Variants in NCAPH2 observed in about 807,000 individuals in gnomAD.
NCAPH2 encodes the protein non-SMC condensin II complex subunit H2.
NCAPH2 carries 56 observed loss-of-function variants against 88.6 expected under a neutral mutation model. The ratio of observed to expected loss-of-function variants is 0.63; its 90% CI spans 0.51 to 0.79. NCAPH2 has a LOEUF of 0.79. Among genes scored for constraint, NCAPH2 ranks in the 30% least tolerant of loss-of-function variants. The probability of loss-of-function intolerance (pLI) is 0.00; values close to 1 mark genes in which losing one functional copy is unlikely to be tolerated. For missense variants in NCAPH2, 794 were observed against 792.0 expected, an observed-to-expected ratio of 1.00 and a Z score of -0.03; for synonymous variants, 378 against 313.6, an observed-to-expected ratio of 1.21 and a Z score of -2.17.
In NCAPH2 at chr22:50,524,044, C is replaced by T; in HGVS notation, c.*669C>T. 1 of 1,613,482 alleles carries T rather than the reference C, an allele frequency of 6.2e-7. No homozygotes were observed. Among genetic ancestry groups the T allele is most frequent in the Non-Finnish European group, 8.5e-7 (1 of 1,180,028 alleles). On this transcript the variant is annotated 3_prime_UTR_variant, in exon 20 of 20. Transcript: ENST00000420993. ...AGTGAAGCCAAAGTACATCAGCACC[C>T]ACTGGCCCCGGAAGTCAGCCTTGCA...
chr22:50,523,015 A>G lies in NCAPH2; in HGVS notation c.1528-2A>G. ...CAGCCAACATGCCCCTCCCCTGTGC[A>G]GGAGCAGCATGTGCCCTTTGACATC... is the stretch of plus-strand genomic sequence containing the variant. On this transcript the variant is annotated splice_acceptor_variant, in intron 18 of 19. Transcript: ENST00000420993. LOFTEE classifies it high-confidence loss of function. 5.0e-6 allele frequency: 8 copies of G among 1,603,170 alleles called. No homozygotes were observed. Among genetic ancestry groups the G allele is most frequent in the Non-Finnish European group, 6.8e-6 (8 of 1,173,080 alleles).
At chr22:50,512,162 C>T (rs2068801930) in intron 1 of NCAPH2, among the ~76,000 whole-genome samples, 1 of 152,252 alleles carries the variant, frequency 6.6e-6, no homozygotes, top group South Asian at 2.1e-4. Context: ...AGGGCAGGGA[C>T]CATACTTATG....
At chr22:50,516,377 G>T (rs2068923188) in intron 1 of NCAPH2, 70 bp from the exon 2 acceptor site, 2 of 1,450,784 alleles carry the variant, frequency 1.4e-6, no homozygotes, top group South Asian at 1.2e-5. Context: ...AAGATGGGTG[G>T]GGCTGCCCTG....
rs1136708 is a variant in NCAPH2 at position 50,519,204 on chromosome 22, G to C, written c.745G>C (p.Gly249Arg). The C allele has an allele frequency of 6.2e-7, 1 of 1,610,016 alleles. No individual in the cohort carries two copies. The highest frequency in any genetic ancestry group is 8.5e-7 in the Non-Finnish European group (1 of 1,178,814). The change falls in exon 9 of 20, where the codon GGC becomes CGC. Residue 249 changes from glycine (G) to arginine (R), a missense_variant. By Grantham distance (125) the Gly-to-Arg change is moderately radical. Transcript: ENST00000420993. The stretch of plus-strand genomic sequence containing the variant: ...TCCCTGCCTAGGCCCCTCTCCAGAA[G>C]GCCCGATGCCCCTGGGTGGGGGCGA... ...FSQEPGPSPE[G>R]PMPLGGGEDE...
intron 1 of NCAPH2, among the ~76,000 whole-genome samples, chr22:50,509,171 G>A (rs77958389): frequency 0.013 from 1,966 of 152,208 alleles, 39 homozygotes; most frequent in African/African-American, 0.044. Flanking sequence ...GAGTTCCTCA[G>A]GATGGGGCCT....
chr22:50,522,311 C>T (rs2069127982), intron 14 of NCAPH2, 32 bp from the exon 15 acceptor site: 2 of 1,604,194 alleles, frequency 1.2e-6, no homozygotes, highest in Middle Eastern at 1.7e-4. Flanking sequence ...TGGGAGGTGA[C>T]AGTGCCCCTC....
chr22:50,523,956 T>A lies in NCAPH2; in HGVS notation c.*581T>A, dbSNP rs536037216. ...GCACTGGAGGCAAACCAGGCTCTGC[T>A]TCCAGCTGCCGCACCACCTGCACCA... On this transcript the variant is annotated 3_prime_UTR_variant, in exon 20 of 20. Coordinates refer to ENST00000420993, the MANE Select transcript of NCAPH2 (RefSeq NM_152299.4). 2.0e-4 allele frequency: 318 copies of A among 1,612,434 alleles called. 2 individuals carry two copies. In the South Asian group the frequency reaches 3.3e-3, roughly 16 times the overall value.
intron 1 of NCAPH2, among the ~76,000 whole-genome samples, chr22:50,511,744 C>T (rs1017821214): frequency 6.0e-5 from 9 of 150,172 alleles, no homozygotes; most frequent in Non-Finnish European, 8.8e-5. Flanking sequence ...CTCCTGGGTT[C>T]GCGCCATTCT....
In NCAPH2 at chr22:50,522,894, A is replaced by T; in HGVS notation, c.1499A>T (p.Asp500Val). The T allele has an allele frequency of 6.2e-7, 1 of 1,613,344 alleles. No homozygotes were observed. Among genetic ancestry groups the T allele is most frequent in the Non-Finnish European group, 8.5e-7 (1 of 1,179,984 alleles). ...AGCCAGCGCATCAGGGACTGGGAGGACACAGTGCAGCCTCTGCTCCAGGAG... is the reference window on the plus strand; with the variant it reads ...AGCCAGCGCATCAGGGACTGGGAGGTCACAGTGCAGCCTCTGCTCCAGGAG... Reference protein sequence around the residue: ...ELSQRIRDWEDTVQPLLQEQE... With the variant: ...ELSQRIRDWEVTVQPLLQEQE... The change falls in exon 18 of 20, where the codon GAC becomes GTC. Residue 500 changes from aspartate (D) to valine (V), a missense_variant. Asp to Val is a radical substitution (Grantham distance 152, BLOSUM62 -3). Around this residue, in one of 2 missense-constraint regions of NCAPH2, gnomAD observed 735 missense variants for 696.3 expected, o/e 1.06. Coordinates refer to ENST00000420993, the MANE Select transcript of NCAPH2 (RefSeq NM_152299.4).
intron 1 of NCAPH2, chr22:50,515,886 A>C: frequency 1.0e-6 from 1 of 990,440 alleles, no homozygotes; most frequent in Non-Finnish European, 1.4e-6. Flanking sequence ...TTTGGGGCTC[A>C]TTGGCTTATG....
Position 50,511,637 on chromosome 22 carries a change from C to T in NCAPH2, c.108+3192C>T, listed in dbSNP as rs370893097. On this transcript the variant is annotated intron_variant, in intron 1 of 19. Coordinates refer to ENST00000420993, the MANE Select transcript of NCAPH2 (RefSeq NM_152299.4). ...CCGGGATTACAGGCGCCTGCCACCA[C>T]GCCTGGCTAATTTTTTTTTTTTTCT... 3.0e-4 allele frequency among the ~76,000 whole-genome samples: 42 copies of T among 138,056 alleles called. 7 individuals carry two copies. Among genetic ancestry groups the T allele is most frequent in the Admixed American group, 1.1e-3 (15 of 14,276 alleles). The allele number at this position is 138,056 out of a possible 152,430, so 90.6% of individuals were successfully genotyped here.
chr22:50,518,305 G>C (rs1306943019), intron 7 of NCAPH2, 27 bp downstream of exon 7: 4 of 1,606,728 alleles, frequency 2.5e-6, no homozygotes, highest in South Asian at 2.2e-5. Context: ...GGGGGGCTTG[G>C]TGGGAAGGAA....
At chr22:50,518,493 C>G (rs1283045943) in intron 7 of NCAPH2, among the ~76,000 whole-genome samples, 156 bp from the exon 8 acceptor site, 1 of 152,218 alleles carries the variant, frequency 6.6e-6, no homozygotes, top group African/African-American at 2.4e-5. Context: ...GACCTGGTGC[C>G]TGGCTCAGGG....
rs1371145092 is a variant in NCAPH2, at chr22:50,517,468, C to T, written c.252C>T (p.Phe84=). ...CACTCGTCTACCAGGCCCTTGATTT[C>T]ATCTCTGGAAAGAGGTGAGTTCTGC... The part of the protein sequence containing the change: ...LYSLVYQALD[F]ISGKRRAKQL... The change falls in exon 3 of 20, where the codon TTC becomes TTT. Residue 84 remains phenylalanine (F), a synonymous_variant. Transcript: ENST00000420993. 3.7e-6 allele frequency: 6 copies of T among 1,614,092 alleles called. No individual in the cohort carries two copies. The highest frequency in any genetic ancestry group is 5.1e-6 in the Non-Finnish European group (6 of 1,180,032).
At chr22:50,514,965 C>T (rs1384839034) in intron 1 of NCAPH2, among the ~76,000 whole-genome samples, 1 of 152,240 alleles carries the variant, frequency 6.6e-6, no homozygotes, top group Non-Finnish European at 1.5e-5. Flanking sequence ...GCTGCCTTCA[C>T]GTTCCCTTCA....
chr22:50,513,003 T>C (rs1014893268), intron 1 of NCAPH2, among the ~76,000 whole-genome samples: 1 of 152,246 alleles, frequency 6.6e-6, no homozygotes, highest in Admixed American at 6.5e-5. Context: ...GGACTTCCTC[T>C]GTCATGGGAA....
chr22:50,509,186 C>T (rs1301444100), intron 1 of NCAPH2, among the ~76,000 whole-genome samples: 2 of 152,154 alleles, frequency 1.3e-5, no homozygotes, highest in African/African-American at 4.8e-5. Flanking sequence ...GGGCCTAGGT[C>T]ATCTTCTGAT....
rs9628174 is a variant in NCAPH2, at chr22:50,523,107, C to G, written c.1618C>G (p.Leu540Val). 176 of 1,613,372 alleles carry G rather than the reference C, an allele frequency of 1.1e-4. No homozygotes were observed. Among genetic ancestry groups the G allele is most frequent in the South Asian group, 1.3e-4 (12 of 91,014 alleles). ...QLNEWCPFAE[L>V]VAGQPAFEVC... ...CAATGAGTGGTGTCCCTTTGCGGAG[C>G]TGGTGGCTGGCCAGCCGGCCTTCGA... Residue 540 changes from leucine to valine, a missense_variant, in exon 19 of 20, where the codon CTG becomes GTG. Coordinates refer to ENST00000420993, the MANE Select transcript of NCAPH2 (RefSeq NM_152299.4).
rs566241177 is a variant in NCAPH2 at position 50,514,422 on chromosome 22, G to A, written c.109-2025G>A. Among the ~76,000 whole-genome samples, 17 of 152,284 alleles carry A rather than the reference G, an allele frequency of 1.1e-4. No homozygotes were observed. In the South Asian group the frequency reaches 3.3e-3, roughly 30 times the overall value. ...CCCTGGGTTTCTGGGCAGGTGGGTT[G>A]GGGGCTATTTGGAGTTCAGTGTGGA... On this transcript the variant is annotated intron_variant, in intron 1 of 19. Transcript: ENST00000420993.
Sources: gnomAD v4.1 joint callset for allele counts (sites outside exome capture counted in the v4.1 genomes callset) on GRCh38, gnomAD v4.1.1 for gene constraint, gnomAD v4.1.1 regional missense constraint, MANE v1.5 for transcripts, NCBI Gene and HGNC (gene_info 2026-07-23, HGNC 2026-07-21) for gene names.